ERICH1: variants seen among roughly 807,000 people sequenced by gnomAD.
ERICH1 encodes the protein glutamate-rich protein 1.
In ERICH1, 56 loss-of-function variants were observed where a neutral mutation model predicts 39.6. The ratio of observed to expected loss-of-function variants is 1.41; its 90% confidence interval spans 1.14 to 1.77. The LOEUF (loss-of-function observed/expected upper bound fraction) is 1.77, where lower values mean the gene tolerates loss of function less well. Ranked by LOEUF, ERICH1 falls within the 40% of genes most tolerant of loss-of-function variation. ERICH1 has a pLI of 0.00. For synonymous variants in ERICH1, 313 were observed against 223.6 expected, an observed-to-expected ratio of 1.40 and a Z score of -3.57; for missense variants, 826 against 575.4, an observed-to-expected ratio of 1.44 and a Z score of -4.45.
chr8:670,247 C>T (rs914100343), intron 4 of ERICH1, among the ~76,000 whole-genome samples: 21 of 152,160 alleles, frequency 1.4e-4, no homozygotes, highest in Admixed American at 7.2e-4. Flanking sequence ...AATTACCTGG[C>T]GAAATGCTCC....
In ERICH1 at chr8:616,836, A is replaced by G. The variant is rs202183577; in HGVS notation, c.977-1552T>C. Among the ~76,000 whole-genome samples, 201 of 74,132 alleles carry G rather than the reference A, an allele frequency of 2.7e-3. 2 individuals are homozygous for G. The highest frequency in any genetic ancestry group is 9.1e-3 in the African/African-American group (154 of 16,882). The allele number at this position is 74,132 out of a possible 152,430, so 48.6% of individuals were successfully genotyped here. ...GAAGAGACGGGGGGAGAGAGAGAGAAAGAGAGAGGGAGACAGAAAGAGACA... is the reference window on the plus strand; with the variant it reads ...GAAGAGACGGGGGGAGAGAGAGAGAGAGAGAGAGGGAGACAGAAAGAGACA... On this transcript the variant is annotated intron_variant, in intron 3 of 3. Coordinates refer to the ERICH1 transcript ENST00000522706.
intron 3 of ERICH1, among the ~76,000 whole-genome samples, chr8:680,708 G>C: frequency 6.6e-6 from 1 of 152,204 alleles, no homozygotes; most frequent in East Asian, 1.9e-4. Context: ...CCATCAACAG[G>C]CAAGTGTGTC....
intron 3 of ERICH1, among the ~76,000 whole-genome samples, chr8:636,631 A>G (rs1014491277): frequency 3.9e-5 from 6 of 152,208 alleles, no homozygotes; most frequent in African/African-American, 1.4e-4. Context: ...AATGCACAAC[A>G]GCAGACAGGA....
intron 3 of ERICH1, among the ~76,000 whole-genome samples, chr8:622,314 G>T (rs1002260390): frequency 1.3e-5 from 2 of 152,164 alleles, no homozygotes; most frequent in Non-Finnish European, 2.9e-5. Context: ...TCAGCAAAAG[G>T]TGATGTTATT....
At chr8:619,129 T>C (rs764781065) in intron 3 of ERICH1, among the ~76,000 whole-genome samples, 3 of 150,978 alleles carry the variant, frequency 2.0e-5, no homozygotes, top group Non-Finnish European at 4.4e-5. Context: ...GAAAAGAAAA[T>C]GGGGGCCCTA....
At position 686,108 on chromosome 8, in the gene ERICH1, T is replaced by C. The variant is rs76802989; in HGVS notation, c.304+6370A>G. ...CCAGAAGGCAGAGGGTGCAGTGAGA[T>C]TGCGCCACTGCACTCCAGCTGGGAT... On this transcript the variant is annotated intron_variant, in intron 3 of 5. Coordinates refer to ENST00000262109, the MANE Select transcript of ERICH1 (RefSeq NM_207332.3). Among the ~76,000 whole-genome samples, 696 of 152,140 alleles carry C rather than the reference T, an allele frequency of 4.6e-3. 9 individuals are homozygous for C. Among genetic ancestry groups the C allele is most frequent in the East Asian group, 0.015 (80 of 5,182 alleles).
At chr8:673,236 A>G (rs1803842374) in intron 4 of ERICH1, 53 bp downstream of exon 4, 13 of 1,517,742 alleles carry the variant, frequency 8.6e-6, no homozygotes, top group Non-Finnish European at 1.1e-5. Flanking sequence ...GTTTCTTTTA[A>G]TAAACTTTTA....
At chr8:685,201 A>T (rs956015986) in intron 3 of ERICH1, among the ~76,000 whole-genome samples, 2 of 152,056 alleles carry the variant, frequency 1.3e-5, no homozygotes, top group African/African-American at 4.8e-5. Flanking sequence ...CAGGGCTCTT[A>T]ATTATTAATA....
chr8:686,942 G>A (rs1807549061), intron 3 of ERICH1, among the ~76,000 whole-genome samples: 1 of 94,664 alleles, frequency 1.1e-5, no homozygotes, highest in South Asian at 3.8e-4. Context: ...GAGGAATGCG[G>A]AGCGGGGGGC....
At chr8:622,439 G>C (rs552704923) in intron 3 of ERICH1, among the ~76,000 whole-genome samples, 1 of 152,226 alleles carries the variant, frequency 6.6e-6, no homozygotes, top group South Asian at 2.1e-4. Context: ...GCTACGTTGA[G>C]GATGCAGTGA....
intron 2 of ERICH1, among the ~76,000 whole-genome samples, chr8:700,703 G>A (rs920689485): frequency 2.4e-5 from 2 of 82,446 alleles, no homozygotes; most frequent in African/African-American, 3.5e-5. Flanking sequence ...GCTCGGAAAA[G>A]GTGCTCAGCG....
At position 646,446 on chromosome 8, in the gene ERICH1, A is replaced by G. The variant is rs113109425; in HGVS notation, c.976+22152T>C. Among the ~76,000 whole-genome samples the G allele has an allele frequency of 7.5e-3, 524 of 69,580 alleles. 180 individuals are homozygous for G. The highest frequency in any genetic ancestry group is 0.025 in the Middle Eastern group (3 of 118). The allele number at this position is 69,580 out of a possible 152,430, so 45.6% of individuals were successfully genotyped here. A position where few individuals can be genotyped will look rare whatever the true frequency, so the allele number is the denominator to read the frequency against. ...GCTCTCACAAAGACTAAAATTGGGA[A>G]ATTTGCCTAAACTGGTGTTTAATCA... On this transcript the variant is annotated intron_variant, in intron 3 of 3. Transcript: ENST00000522706.
intron 2 of ERICH1, among the ~76,000 whole-genome samples, chr8:693,327 T>C (rs1809369964): frequency 3.3e-5 from 5 of 152,254 alleles, no homozygotes; most frequent in Admixed American, 2.6e-4. Flanking sequence ...AGTTATACAT[T>C]TGTATCTTAC....
At chr8:662,963 G>T (rs1366108479), downstream of ERICH1, among the ~76,000 whole-genome samples, 1 of 152,232 alleles carries the variant, frequency 6.6e-6, no homozygotes, top group African/African-American at 2.4e-5. Context: ...CCTGCCTCAT[G>T]TGTGGCCTCC....
At chr8:643,948 C>T (rs999355575) in intron 3 of ERICH1, among the ~76,000 whole-genome samples, 9 of 152,256 alleles carry the variant, frequency 5.9e-5, no homozygotes, top group Non-Finnish European at 8.8e-5. Flanking sequence ...CAGGATGCAG[C>T]CCCCTGAGCA....
At chr8:634,028 G>C (rs1157263073) in intron 3 of ERICH1, among the ~76,000 whole-genome samples, 1 of 152,110 alleles carries the variant, frequency 6.6e-6, no homozygotes, top group African/African-American at 2.4e-5. Flanking sequence ...CAGACAGCGG[G>C]ACTGCGTGGA....
intron 3 of ERICH1, among the ~76,000 whole-genome samples, chr8:678,985 A>G (rs1585235454): frequency 6.6e-6 from 1 of 151,754 alleles, no homozygotes; most frequent in African/African-American, 2.4e-5. Context: ...CCGACCCCTC[A>G]CAGCTTTGAT....
At chr8:702,756 G>A (rs570086264) in intron 2 of ERICH1, among the ~76,000 whole-genome samples, 2 of 152,208 alleles carry the variant, frequency 1.3e-5, no homozygotes, top group African/African-American at 2.4e-5. Context: ...GCCAAGACCC[G>A]CCAAAGTGGA....
At chr8:688,327 C>T (rs1490871242) in intron 3 of ERICH1, among the ~76,000 whole-genome samples, 1 of 146,848 alleles carries the variant, frequency 6.8e-6, no homozygotes, top group Non-Finnish European at 1.5e-5. Context: ...CACCCCACCT[C>T]GGCGCCATCC....
Sources: gnomAD v4.1 joint callset for allele counts (sites outside exome capture counted in the v4.1 genomes callset) on GRCh38, gnomAD v4.1.1 for gene constraint, MANE v1.5 for transcripts, NCBI Gene and HGNC (gene_info 2026-07-23, HGNC 2026-07-21) for gene names.